Variants in ROBO2 observed in about 807,000 individuals in gnomAD.
The protein encoded by ROBO2 is roundabout guidance receptor 2.
A neutral mutation model predicts 160.8 loss-of-function variants in ROBO2; 53 were observed. The observed-to-expected ratio is 0.33, with a 90% CI of 0.26 to 0.41. The LOEUF (loss-of-function observed/expected upper bound fraction) is 0.41, where lower values mean the gene tolerates loss of function less well. Among genes scored for constraint, ROBO2 ranks in the 10% least tolerant of loss-of-function variants. The pLI is 1.00. For synonymous variants in ROBO2, 664 were observed against 611.7 expected (o/e 1.09, Z -1.26); for missense variants, 1,577 against 1,722.4 (o/e 0.92, Z 1.49).
rs371509287 is a variant in ROBO2 at position 76,805,534 on chromosome 3, T to C, written c.110-292480T>C. On this transcript the variant is annotated intron_variant, in intron 2 of 26. Transcript: ENST00000487694. The stretch of plus-strand genomic sequence containing the variant: ...ACACATATGTATATATGTAGAAATA[T>C]ATATATTTCAACAAATGTATATATT... 1.2e-4 allele frequency among the ~76,000 whole-genome samples: 18 copies of C among 152,086 alleles called. 1 individual carries two copies. In the South Asian group the frequency reaches 1.2e-3, roughly 10 times the overall value.
At chr3:77,154,230 A>T (rs1451587208) in intron 2 of ROBO2, among the ~76,000 whole-genome samples, 1 of 152,102 alleles carries the variant, frequency 6.6e-6, no homozygotes, top group Non-Finnish European at 1.5e-5. Context: ...ATTTCTAAAC[A>T]TGGGTTTTTC....
At chr3:76,438,480 G>C (rs1048622365) in intron 2 of ROBO2, among the ~76,000 whole-genome samples, 1 of 150,878 alleles carries the variant, frequency 6.6e-6, no homozygotes, top group African/African-American at 2.4e-5. Flanking sequence ...TTTACATAAA[G>C]TAATCCTATA....
chr3:77,249,419 G>A (rs2090101634), intron 2 of ROBO2, among the ~76,000 whole-genome samples: 1 of 152,078 alleles, frequency 6.6e-6, no homozygotes, highest in Admixed American at 6.6e-5. Context: ...AAACGTCATG[G>A]CATCCAGTAA....
intron 2 of ROBO2, among the ~76,000 whole-genome samples, chr3:76,301,151 A>G (rs576427183): frequency 2.4e-4 from 36 of 152,246 alleles, no homozygotes; most frequent in African/African-American, 8.7e-4. Flanking sequence ...AATCTAAAGG[A>G]AGGACATTAC....
At chr3:76,350,168 A>G (rs1201310037) in intron 2 of ROBO2, among the ~76,000 whole-genome samples, 1 of 152,102 alleles carries the variant, frequency 6.6e-6, no homozygotes, top group Non-Finnish European at 1.5e-5. Context: ...AATTAGTGAC[A>G]CACTTGGGAA....
chr3:76,095,255 G>GA (rs903703017), intron 2 of ROBO2, among the ~76,000 whole-genome samples: 1 of 151,224 alleles, frequency 6.6e-6, no homozygotes, highest in African/African-American at 2.4e-5. Context: ...AGACTTAATA[G>GA]AAAAAAAACC....
At chr3:76,928,489 A>T (rs1270059713) in intron 2 of ROBO2, among the ~76,000 whole-genome samples, 1 of 150,262 alleles carries the variant, frequency 6.7e-6, no homozygotes, top group Non-Finnish European at 1.5e-5. Context: ...AAACTAGAAC[A>T]CTCAAATAAC....
chr3:77,194,945 A>G (rs7432324), intron 2 of ROBO2, among the ~76,000 whole-genome samples: 55,192 of 151,934 alleles, frequency 0.36, 11,191 homozygotes, highest in African/African-American at 0.54. Flanking sequence ...TAAATATTAC[A>G]TGGCTCTTGG....
At chr3:77,124,337 T>C (rs369252580) in intron 2 of ROBO2, among the ~76,000 whole-genome samples, 2 of 152,056 alleles carry the variant, frequency 1.3e-5, no homozygotes, top group East Asian at 3.9e-4. Context: ...ACGGTGAAAG[T>C]AGACATTTCA....
chr3:77,562,993 GCTTA>G (rs1170877387), intron 10 of ROBO2, among the ~76,000 whole-genome samples, 170 bp from the exon 12 acceptor site: 14 of 152,020 alleles, frequency 9.2e-5, no homozygotes, highest in African/African-American at 3.4e-4. Context: ...TAAAAACACA[GCTTA>G]CTTTTATTAA....
chr3:76,468,309 AG>A (rs995724627), intron 2 of ROBO2, among the ~76,000 whole-genome samples: 1 of 152,142 alleles, frequency 6.6e-6, no homozygotes, highest in African/African-American at 2.4e-5. Context: ...GAATCAATAA[AG>A]CTATACTTTA....
At chr3:77,364,549 G>T (rs2070543377) in intron 2 of ROBO2, among the ~76,000 whole-genome samples, 1 of 152,098 alleles carries the variant, frequency 6.6e-6, no homozygotes, top group Non-Finnish European at 1.5e-5. Flanking sequence ...CTCTGGTTAA[G>T]GAAGTAGATA....
At chr3:76,175,102 G>C (rs2073180200) in intron 2 of ROBO2, among the ~76,000 whole-genome samples, 1 of 151,928 alleles carries the variant, frequency 6.6e-6, no homozygotes, top group Non-Finnish European at 1.5e-5. Context: ...TTTATTCCTA[G>C]GTATTTTATT....
chr3:77,644,575 C>A, intron 24 of ROBO2, 129 bp from the exon 27 acceptor site: 1 of 850,060 alleles, frequency 1.2e-6, no homozygotes, highest in Non-Finnish European at 1.9e-6. Flanking sequence ...GATTAAACTT[C>A]ATAATTTTAA....
At chr3:77,426,688 GGA>G (rs1295344233) in intron 2 of ROBO2, among the ~76,000 whole-genome samples, 3 of 131,502 alleles carry the variant, frequency 2.3e-5, no homozygotes, top group African/African-American at 8.7e-5. Flanking sequence ...CAGGAAGGAA[GGA>G]AGGAAGGAAG....
At chr3:76,217,352 T>C (rs1343523954) in intron 2 of ROBO2, among the ~76,000 whole-genome samples, 3 of 152,016 alleles carry the variant, frequency 2.0e-5, no homozygotes, top group Admixed American at 2.0e-4. Flanking sequence ...AAAAAACCTT[T>C]CAAAAAATCA....
intron 2 of ROBO2, among the ~76,000 whole-genome samples, chr3:76,660,997 T>A (rs1284171187): frequency 6.6e-6 from 1 of 152,160 alleles, no homozygotes. Context: ...TTTTACAGGA[T>A]ATTAAATACA....
chr3:76,710,876 A>T (rs1576157675), intron 2 of ROBO2, among the ~76,000 whole-genome samples: 1 of 152,082 alleles, frequency 6.6e-6, no homozygotes, highest in East Asian at 1.9e-4. Flanking sequence ...AGTGAGAAAA[A>T]CCAGACAAAA....
chr3:77,610,563 T>C (rs1343458148), intron 21 of ROBO2, among the ~76,000 whole-genome samples: 2 of 151,706 alleles, frequency 1.3e-5, no homozygotes, highest in African/African-American at 4.8e-5. Context: ...TAGAAAAACA[T>C]TTGGTGGCTG....
Sources: gnomAD v4.1 joint callset for allele counts (sites outside exome capture counted in the v4.1 genomes callset) on GRCh38, gnomAD v4.1.1 for gene constraint, MANE v1.5 for transcripts, NCBI Gene and HGNC (gene_info 2026-07-23, HGNC 2026-07-21) for gene names.